PTPRD: variants seen among roughly 807,000 people sequenced by gnomAD.
PTPRD encodes the protein receptor-type tyrosine-protein phosphatase delta.
PTPRD carries 34 observed loss-of-function variants against 214.5 expected under a neutral mutation model. That is an observed-to-expected ratio of 0.16 (90% CI 0.12 to 0.21). The LOEUF is 0.21. PTPRD is among the 10% of genes least tolerant of loss of function. The pLI is 1.00. For missense variants in PTPRD, 2,545 were observed against 2,398.7 expected (o/e 1.06, Z -1.27); for synonymous variants, 1,128 against 845.7 (o/e 1.33, Z -5.79).
chr9:8,528,139 T>TA, intron 15 of PTPRD: 1 of 316,222 alleles, frequency 3.2e-6, no homozygotes, highest in Non-Finnish European at 5.7e-6. Context: ...CATACTTTAA[T>TA]AAAATTGAAA....
intron 11 of PTPRD, among the ~76,000 whole-genome samples, chr9:8,971,174 A>G (rs2099235916): frequency 6.6e-6 from 1 of 151,850 alleles, no homozygotes; most frequent in African/African-American, 2.4e-5. Flanking sequence ...CAAGTAATTT[A>G]TATTGAGTCA....
chr9:8,724,257 G>A (rs2098533879), intron 12 of PTPRD, among the ~76,000 whole-genome samples: 1 of 152,014 alleles, frequency 6.6e-6, no homozygotes, highest in Non-Finnish European at 1.5e-5. Flanking sequence ...TACACTTTAG[G>A]TCCCTTCTTA....
intron 3 of PTPRD, among the ~76,000 whole-genome samples, chr9:10,135,249 C>T (rs2098933509): frequency 6.6e-6 from 1 of 152,054 alleles, no homozygotes; most frequent in African/African-American, 2.4e-5. Context: ...AAACCTAAGA[C>T]AAACTGGCAT....
At chr9:10,405,691 T>A (rs1048249047) in intron 2 of PTPRD, among the ~76,000 whole-genome samples, 1 of 151,486 alleles carries the variant, frequency 6.6e-6, no homozygotes, top group African/African-American at 2.4e-5. Context: ...TATCTGCAAA[T>A]AAATACAGTT....
At chr9:8,633,607 T>A in intron 13 of PTPRD, 149 bp from the exon 14 acceptor site, 4 of 873,914 alleles carry the variant, frequency 4.6e-6, no homozygotes, top group Non-Finnish European at 6.8e-6. Flanking sequence ...GGTGAAAAAA[T>A]ATTTGGTCTA....
chr9:9,978,730 G>A (rs1307508074), intron 4 of PTPRD, among the ~76,000 whole-genome samples: 1 of 146,736 alleles, frequency 6.8e-6, no homozygotes, highest in Non-Finnish European at 1.5e-5. Context: ...GCACACTATA[G>A]ATCCAAGAAG....
chr9:9,708,241 A>G (rs547605504), intron 7 of PTPRD, among the ~76,000 whole-genome samples: 79 of 150,074 alleles, frequency 5.3e-4, no homozygotes, highest in African/African-American at 1.9e-3. Context: ...AGGACATTCC[A>G]TCAGTGATGC....
intron 36 of PTPRD, among the ~76,000 whole-genome samples, chr9:8,391,366 T>C (rs1016289593): frequency 1.7e-4 from 26 of 152,162 alleles, no homozygotes; most frequent in African/African-American, 6.3e-4. Context: ...AAACTTGAAA[T>C]GCATGGTTGG....
intron 43 of PTPRD, among the ~76,000 whole-genome samples, chr9:8,332,216 T>TTGTCGCAATAACTTCACATCTGCTG (rs1397468528): frequency 3.0e-4 from 46 of 152,268 alleles, no homozygotes; most frequent in Admixed American, 2.7e-3. Context: ...GCTTTTGCAG[T>TTGTCGCAATAACTTCACATCTGCTG]TGTCGCAATA....
At chr9:10,230,391 G>C (rs890822835) in intron 3 of PTPRD, among the ~76,000 whole-genome samples, 1 of 150,566 alleles carries the variant, frequency 6.6e-6, no homozygotes, top group African/African-American at 2.4e-5. Flanking sequence ...TACCAAAACA[G>C]CTATCTATCT....
chr9:8,799,887 T>C (rs1437757692), intron 11 of PTPRD, among the ~76,000 whole-genome samples: 1 of 152,056 alleles, frequency 6.6e-6, no homozygotes, highest in Non-Finnish European at 1.5e-5. Context: ...GTGACTTCAG[T>C]CAATCCAGGG....
At chr9:8,340,070 A>G (rs1302906153) in intron 42 of PTPRD, among the ~76,000 whole-genome samples, 2 of 152,152 alleles carry the variant, frequency 1.3e-5, no homozygotes, top group East Asian at 1.9e-4. Context: ...GAAGTCCGAC[A>G]TAAGTCAAAC....
At chr9:9,611,420 G>A (rs2094506155) in intron 7 of PTPRD, among the ~76,000 whole-genome samples, 1 of 151,846 alleles carries the variant, frequency 6.6e-6, no homozygotes, top group South Asian at 2.1e-4. Flanking sequence ...TAATTGTTTT[G>A]ATTCGTAATT....
intron 2 of PTPRD, among the ~76,000 whole-genome samples, chr9:10,359,058 A>T (rs758496188): frequency 6.6e-6 from 1 of 152,024 alleles, no homozygotes; most frequent in Non-Finnish European, 1.5e-5. Flanking sequence ...CAAGTCTAAT[A>T]CCTAATGTCA....
intron 10 of PTPRD, among the ~76,000 whole-genome samples, chr9:9,034,394 G>A (rs1569479734): frequency 6.6e-6 from 1 of 152,156 alleles, no homozygotes; most frequent in Non-Finnish European, 1.5e-5. Context: ...TAAATTGTGA[G>A]TCTGAGGTTT....
intron 2 of PTPRD, among the ~76,000 whole-genome samples, chr9:10,552,539 C>T (rs1364694921): frequency 2.0e-5 from 3 of 152,070 alleles, no homozygotes; most frequent in Non-Finnish European, 2.9e-5. Flanking sequence ...GTTTTTCCTC[C>T]TATCTCCAGC....
intron 3 of PTPRD, among the ~76,000 whole-genome samples, chr9:10,211,975 C>T (rs1322134): frequency 0.59 from 88,891 of 151,822 alleles, 27,380 homozygotes; most frequent in Admixed American, 0.69. Context: ...CAAGATACAG[C>T]AGGTCAATTT....
chr9:9,106,612 CAAAAAAAAAAA>C (rs5896301), intron 10 of PTPRD, among the ~76,000 whole-genome samples: 1 of 71,632 alleles, frequency 1.4e-5, no homozygotes, highest in Non-Finnish European at 2.5e-5. Flanking sequence ...ATTCCATAGG[CAAAAAAAAAAA>C]AAAAAAAAAA....
chr9:9,583,551 A>T (rs2091302297), intron 7 of PTPRD, among the ~76,000 whole-genome samples: 1 of 152,108 alleles, frequency 6.6e-6, no homozygotes, highest in South Asian at 2.1e-4. Flanking sequence ...AATGCTCATC[A>T]TAAAGTTGCC....
Sources: allele counts gnomAD v4.1 joint callset (sites outside exome capture counted in the v4.1 genomes callset), GRCh38; gene constraint gnomAD v4.1.1; transcripts MANE v1.5; gene names NCBI Gene and HGNC (gene_info 2026-07-23, HGNC 2026-07-21).